Variants in PIGV observed in about 807,000 individuals in gnomAD.
PIGV encodes the protein GPI alpha-1,6-mannosyltransferase 2.
Under a neutral mutation model 39.2 loss-of-function variants are expected in PIGV, and 27 were observed. The ratio of observed to expected loss-of-function variants is 0.69; its 90% CI spans 0.51 to 0.95. The LOEUF (loss-of-function observed/expected upper bound fraction) is 0.95. Ranked by LOEUF, PIGV falls within the 40% of genes least tolerant of loss-of-function variation. The pLI is 0.00. For missense variants in PIGV, 523 were observed against 586.4 expected (o/e 0.89, Z 1.12); for synonymous variants, 232 against 241.7 (o/e 0.96, Z 0.37).
At chr1:26,792,719 C>T (rs1370749087) in intron 2 of PIGV, among the ~76,000 whole-genome samples, 4 of 152,246 alleles carry the variant, frequency 2.6e-5, no homozygotes, top group Non-Finnish European at 4.4e-5. Flanking sequence ...AGTTACCCTT[C>T]GTTGCTGCTG....
intron 2 of PIGV, among the ~76,000 whole-genome samples, chr1:26,791,213 G>A (rs2081304455): frequency 6.6e-6 from 1 of 152,178 alleles, no homozygotes; most frequent in Non-Finnish European, 1.5e-5. Flanking sequence ...AGACTGTGAT[G>A]TTCCGTAACC....
In PIGV at chr1:26,794,112, G is replaced by A; in HGVS notation, c.79-1G>A. On this transcript the variant is annotated splice_acceptor_variant, in intron 2 of 3. Transcript: ENST00000674202. LOFTEE classifies it high-confidence loss of function. Reference sequence around the variant, plus strand: ...AATTCTGGTTTTTCTTTACTCCACAGGCCCTCTTCAATGCCATCATCCCAG... The same window carrying A: ...AATTCTGGTTTTTCTTTACTCCACAAGCCCTCTTCAATGCCATCATCCCAG... 1 of 1,614,052 alleles carries A rather than the reference G, an allele frequency of 6.2e-7. No homozygotes were observed. The highest frequency in any genetic ancestry group is 8.5e-7 in the Non-Finnish European group (1 of 1,179,960).
chr1:26,793,331 C>T (rs888359751), intron 2 of PIGV, among the ~76,000 whole-genome samples: 5 of 152,212 alleles, frequency 3.3e-5, no homozygotes, highest in African/African-American at 9.6e-5. Context: ...TCTAGGTAGA[C>T]TTCTCTCTCT....
chr1:26,792,360 G>A (rs1302146664), intron 2 of PIGV, among the ~76,000 whole-genome samples: 2 of 144,038 alleles, frequency 1.4e-5, no homozygotes, highest in South Asian at 2.2e-4. Context: ...TCGCTCTGTC[G>A]CCCAGGCCGG....
At chr1:26,797,381 T>C (rs1434024447) in intron 3 of PIGV, among the ~76,000 whole-genome samples, 182 bp from the exon 4 acceptor site, 3 of 152,232 alleles carry the variant, frequency 2.0e-5, no homozygotes, top group Non-Finnish European at 2.9e-5. Context: ...AGGATGCCTG[T>C]CTGCTGTACA....
chr1:26,792,515 G>T (rs1031115077), intron 2 of PIGV, among the ~76,000 whole-genome samples: 1 of 152,084 alleles, frequency 6.6e-6, no homozygotes, highest in African/African-American at 2.4e-5. Flanking sequence ...TTTTAGTAGA[G>T]ACCGGGTTTC....
chr1:26,798,238 A>G lies in PIGV; in HGVS notation c.*394A>G. The stretch of plus-strand genomic sequence containing the variant: ...CTGACAGGCTGGTAACAGTCCACAC[A>G]AGATGGTATAGGCCTGAACAGTGTA... On this transcript the variant is annotated 3_prime_UTR_variant, in exon 4 of 4. Coordinates refer to ENST00000674202, the MANE Select transcript of PIGV (RefSeq NM_017837.4). 1 of 312,210 alleles carries G rather than the reference A, an allele frequency of 3.2e-6. No homozygotes were observed. Among genetic ancestry groups the G allele is most frequent in the Non-Finnish European group, 6.2e-6 (1 of 160,522 alleles). 19.3% of individuals were successfully genotyped at this position (312,210 alleles called of 1,614,324 possible). A position where few individuals can be genotyped will look rare whatever the true frequency, so the allele number is the denominator to read the frequency against.
chr1:26,794,794 C>A lies in PIGV; in HGVS notation c.760C>A (p.Leu254Ile), dbSNP rs755079722. The change falls in exon 3 of 4, where the codon CTC (leucine) becomes ATC (isoleucine). Residue 254 changes from leucine (L) to isoleucine (I), a missense_variant. Transcript: ENST00000674202. Reference sequence around the variant, plus strand: ...GTTCACACTTGGCCTTCCCTTTGCCCTCTTTCAGTATTATGCCTACACCCA... The same window carrying A: ...GTTCACACTTGGCCTTCCCTTTGCCATCTTTCAGTATTATGCCTACACCCA... Reference protein sequence around the residue: ...SVFTLGLPFALFQYYAYTQFC... With the variant: ...SVFTLGLPFAIFQYYAYTQFC... The A allele has an allele frequency of 1.2e-6, 2 of 1,614,070 alleles. No individual in the cohort carries two copies. The highest frequency in any genetic ancestry group is 1.7e-6 in the Non-Finnish European group (2 of 1,179,994).
chr1:26,789,788 T>G lies in PIGV; in HGVS notation c.-57-971T>G, dbSNP rs1462751252. On this transcript the variant is annotated intron_variant, in intron 1 of 3. Transcript: ENST00000674202. Reference sequence around the variant, plus strand: ...AGTCTTCCAGCCGTCCTCCTTAAATTTCTCAGTTCAAATTTTTTTTTTCCT... The same window carrying G: ...AGTCTTCCAGCCGTCCTCCTTAAATGTCTCAGTTCAAATTTTTTTTTTCCT... Among the ~76,000 whole-genome samples, 4 of 152,198 alleles carry G rather than the reference T, an allele frequency of 2.6e-5. No homozygotes were observed. The East Asian group carries it at 7.7e-4, about 29-fold the overall frequency.
chr1:26,797,475 CCA>C, intron 3 of PIGV, 86 bp from the exon 4 acceptor site: 1 of 1,010,556 alleles, frequency 9.9e-7, no homozygotes, highest in East Asian at 2.4e-5. Context: ...CATAGTTCAC[CCA>C]GCAGTAGAGA....
At chr1:26,795,806 A>G (rs1167182203) in intron 3 of PIGV, among the ~76,000 whole-genome samples, 2 of 150,520 alleles carry the variant, frequency 1.3e-5, no homozygotes, top group African/African-American at 2.4e-5. Flanking sequence ...GTACAGTGGG[A>G]TAGAAAAGGG....
At chr1:26,792,318 G>GTTT (rs1557627101) in intron 2 of PIGV, among the ~76,000 whole-genome samples, 1 of 144,312 alleles carries the variant, frequency 6.9e-6, no homozygotes. Context: ...GCTAATTTTT[G>GTTT]TATTTTTTTT....
chr1:26,795,156 C>A lies in PIGV; in HGVS notation c.1122C>A (p.Phe374Leu). ...NKTLEKPDLG[F>L]LSPQVFVYVV... ...CCCTAGAGAAGCCCGATCTTGGATTCCTCAGTCCTCAGGTGTTTGTGTACG... is the reference window on the plus strand; with the variant it reads ...CCCTAGAGAAGCCCGATCTTGGATTACTCAGTCCTCAGGTGTTTGTGTACG... The change falls in exon 3 of 4, where the codon TTC (phenylalanine) becomes TTA (leucine). Residue 374 changes from phenylalanine to leucine, a missense_variant. Phe to Leu is a conservative substitution (Grantham distance 22). Coordinates refer to ENST00000674202, the MANE Select transcript of PIGV (RefSeq NM_017837.4). The A allele has an allele frequency of 6.2e-7, 1 of 1,614,042 alleles. No homozygotes were observed. The highest frequency in any genetic ancestry group is 8.5e-7 in the Non-Finnish European group (1 of 1,180,022).
rs373738772 is a variant in PIGV at position 26,799,287 on chromosome 1, T to C, written c.*1443T>C. Among the ~76,000 whole-genome samples, 17 of 152,316 alleles carry C rather than the reference T, an allele frequency of 1.1e-4. No homozygotes were observed. In the East Asian group the frequency reaches 3.3e-3, roughly 29 times the overall value. The stretch of plus-strand genomic sequence containing the variant: ...AACACGGCGGCAGGAATTGGTAAAT[T>C]GTACGTAAGTCCAAGGTGGAATGAA... On this transcript the variant is annotated 3_prime_UTR_variant, in exon 4 of 4. Coordinates refer to ENST00000674202, the MANE Select transcript of PIGV (RefSeq NM_017837.4).
At position 26,794,735 on chromosome 1, in the gene PIGV, T is replaced by C. The variant is rs1289163166; in HGVS notation, c.701T>C (p.Leu234Pro). 1 of 1,614,218 alleles carries C rather than the reference T, an allele frequency of 6.2e-7. No homozygotes were observed. Among genetic ancestry groups the C allele is most frequent in the Non-Finnish European group, 8.5e-7 (1 of 1,180,034 alleles). The change falls in exon 3 of 4, where the codon CTC becomes CCC. Residue 234 changes from leucine (L) to proline (P), a missense_variant. By Grantham distance (98) the Leu-to-Pro change is moderately conservative. Coordinates refer to ENST00000674202, the MANE Select transcript of PIGV (RefSeq NM_017837.4). ...ACGATGCTGAATCCTCTGAGACAGC[T>C]CTTTAAGCTGATGGCCTCTCTGTTT... ...SLTMLNPLRQLFKLMASLFLS... is the reference protein window; with the variant it reads ...SLTMLNPLRQPFKLMASLFLS...
In PIGV at chr1:26,794,668, T is replaced by C; in HGVS notation, c.634T>C (p.Phe212Leu). ...CTCCAACGGGCTGGTCAGTGTTGGC[T>C]TCCTCATGCATTCTCAATGCCAAGG... is the stretch of plus-strand genomic sequence containing the variant. ...VRSNGLVSVG[F>L]LMHSQCQGFF... The change falls in exon 3 of 4, where the codon TTC (phenylalanine) becomes CTC (leucine). Residue 212 changes from phenylalanine to leucine, a missense_variant. Physicochemically the swap from Phe to Leu is conservative, Grantham distance 22 (BLOSUM62 0). Transcript: ENST00000674202. The C allele has an allele frequency of 6.2e-7, 1 of 1,614,250 alleles. No homozygotes were observed.
At position 26,794,656 on chromosome 1, in the gene PIGV, G is replaced by A. The variant is rs760382543; in HGVS notation, c.622G>A (p.Val208Ile). Residue 208 changes from valine to isoleucine, a missense_variant, in exon 3 of 4, where the codon GTC becomes ATC. Val to Ile is a conservative substitution (Grantham distance 29). Coordinates refer to ENST00000674202, the MANE Select transcript of PIGV (RefSeq NM_017837.4). ...FATGVRSNGL[V>I]SVGFLMHSQC... ...CACTGGGGTACGCTCCAACGGGCTG[G>A]TCAGTGTTGGCTTCCTCATGCATTC... is the stretch of plus-strand genomic sequence containing the variant. The A allele has an allele frequency of 6.2e-7, 1 of 1,614,226 alleles. No individual in the cohort carries two copies. Among genetic ancestry groups the A allele is most frequent in the South Asian group, 1.1e-5 (1 of 91,088 alleles).
Position 26,797,642 on chromosome 1 carries a change from T to C in PIGV, c.1280T>C (p.Leu427Pro). The change falls in exon 4 of 4, where the codon CTG becomes CCG. Residue 427 changes from leucine (L) to proline (P), a missense_variant. Physicochemically the swap from Leu to Pro is moderately conservative, Grantham distance 98 (BLOSUM62 -3). Coordinates refer to ENST00000674202, the MANE Select transcript of PIGV (RefSeq NM_017837.4). Reference protein sequence around the residue: ...PAHLLQDQEPLLRSLKTVPWK... With the variant: ...PAHLLQDQEPPLRSLKTVPWK... ...CACTTGCTTCAGGATCAAGAGCCGC[T>C]GTTGAGATCCTTAAAGACTGTGCCT... 6.2e-7 allele frequency: 1 copy of C among 1,614,092 alleles called. No individual in the cohort carries two copies. The highest frequency in any genetic ancestry group is 8.5e-7 in the Non-Finnish European group (1 of 1,179,940).
At chr1:26,796,410 C>G (rs913371515) in intron 3 of PIGV, among the ~76,000 whole-genome samples, 22 of 152,228 alleles carry the variant, frequency 1.4e-4, no homozygotes, top group African/African-American at 5.1e-4. Flanking sequence ...CCTCGTGATC[C>G]ACCCGCCTTG....
Sources: gnomAD v4.1 joint callset for allele counts (sites outside exome capture counted in the v4.1 genomes callset) on GRCh38, gnomAD v4.1.1 for gene constraint, MANE v1.5 for transcripts, NCBI Gene and HGNC (gene_info 2026-07-23, HGNC 2026-07-21) for gene names.